OR4Q3: variants seen among roughly 807,000 people sequenced by gnomAD.
The protein encoded by OR4Q3 is olfactory receptor family 4 subfamily Q member 3.
A neutral mutation model predicts 18.8 loss-of-function variants in OR4Q3; 17 were observed. The ratio of observed to expected loss-of-function variants is 0.91; its 90% CI spans 0.62 to 1.36. The LOEUF (loss-of-function observed/expected upper bound fraction) is 1.36, where lower values mean the gene tolerates loss of function less well. Ranked by LOEUF, OR4Q3 falls within the 40% of genes most tolerant of loss-of-function variation. The probability of loss-of-function intolerance (pLI) is 0.00; values close to 1 mark genes in which losing one functional copy is unlikely to be tolerated. For missense variants in OR4Q3, 378 were observed against 373.4 expected, an observed-to-expected ratio of 1.01 and a Z score of -0.10; for synonymous variants, 158 against 145.8, an observed-to-expected ratio of 1.08 and a Z score of -0.60.
At chr14:19,752,129 G>A, downstream of OR4Q3, among the ~76,000 whole-genome samples, 1 of 152,166 alleles carries the variant, frequency 6.6e-6, no homozygotes, top group Non-Finnish European at 1.5e-5. Context: ...AATTAGCTAA[G>A]TCCCCCAAAG....
At chr14:19,744,601 G>A (rs1238106367) in intron 1 of OR4Q3, among the ~76,000 whole-genome samples, 1 of 152,110 alleles carries the variant, frequency 6.6e-6, no homozygotes, top group African/African-American at 2.4e-5. Context: ...CTTTCATTTT[G>A]CATTAAGCAT....
chr14:19,746,337 A>G, intron 1 of OR4Q3, among the ~76,000 whole-genome samples: 1 of 152,190 alleles, frequency 6.6e-6, no homozygotes, highest in Non-Finnish European at 1.5e-5. Context: ...AATCCAAGGT[A>G]CTGTCATCAA....
chr14:19,748,500 A>T, exon 2 of OR4Q3: 2 of 712,534 alleles, frequency 2.8e-6, no homozygotes, highest in South Asian at 3.9e-5. Context: ...ATTATAATGG[A>T]TCACTCTTGA....
At chr14:19,746,211 T>C in intron 1 of OR4Q3, among the ~76,000 whole-genome samples, 1 of 152,112 alleles carries the variant, frequency 6.6e-6, no homozygotes, top group African/African-American at 2.4e-5. Context: ...TTTTGTCTTA[T>C]TTCATATTTT....
At chr14:19,744,412 C>A (rs1321699562) in intron 1 of OR4Q3, among the ~76,000 whole-genome samples, 1 of 152,164 alleles carries the variant, frequency 6.6e-6, no homozygotes, top group African/African-American at 2.4e-5. Context: ...AAAACACACA[C>A]ATGCACAAGT....
At chr14:19,751,790 A>G, downstream of OR4Q3, among the ~76,000 whole-genome samples, 1 of 150,994 alleles carries the variant, frequency 6.6e-6, no homozygotes, top group South Asian at 2.1e-4. Context: ...TTATTTTTTA[A>G]TCTAACTAGC....
chr14:19,746,598 G>A, intron 1 of OR4Q3, among the ~76,000 whole-genome samples: 54 of 152,160 alleles, frequency 3.5e-4, no homozygotes, highest in Middle Eastern at 3.4e-3. Flanking sequence ...TACTCATCCC[G>A]AGTCTGACGC....
chr14:19,747,975 C>T, exon 2 of OR4Q3: 1 of 1,613,948 alleles, frequency 6.2e-7, no homozygotes, highest in South Asian at 1.1e-5. Flanking sequence ...TGTGATGTCC[C>T]ACAAGTCATC....
downstream of OR4Q3, among the ~76,000 whole-genome samples, chr14:19,750,045 C>T: frequency 6.0e-5 from 9 of 150,290 alleles, no homozygotes; most frequent in African/African-American, 1.7e-4. Flanking sequence ...AGTGCAGTGG[C>T]ACAATCTTGG....
exon 2 of OR4Q3, chr14:19,748,402 A>T: frequency 6.7e-7 from 1 of 1,487,204 alleles, no homozygotes; most frequent in Non-Finnish European, 9.2e-7. Context: ...TGAAAAACAC[A>T]CTCTTTCTTG....
intron 1 of OR4Q3, among the ~76,000 whole-genome samples, chr14:19,747,059 C>T: frequency 6.6e-6 from 1 of 152,214 alleles, no homozygotes; most frequent in Non-Finnish European, 1.5e-5. Context: ...AATGGTGGAG[C>T]TAGGCATTCA....
intron 1 of OR4Q3, among the ~76,000 whole-genome samples, chr14:19,745,212 G>T: frequency 6.6e-6 from 1 of 152,120 alleles, no homozygotes; most frequent in Non-Finnish European, 1.5e-5. Context: ...AATATTTATA[G>T]TACTGAAATT....
intron 1 of OR4Q3, among the ~76,000 whole-genome samples, chr14:19,745,926 AGATGAAGAG>A: frequency 6.6e-6 from 1 of 152,322 alleles, no homozygotes; most frequent in East Asian, 1.9e-4. Context: ...CTATATAGGC[AGATGAAGAG>A]GATGGTCACA....
downstream of OR4Q3, among the ~76,000 whole-genome samples, chr14:19,750,119 G>C: frequency 5.7e-4 from 87 of 152,070 alleles, no homozygotes; most frequent in South Asian, 0.018. Flanking sequence ...CAAGTAGCTG[G>C]GATTACAGGT....
chr14:19,750,440 A>G, downstream of OR4Q3, among the ~76,000 whole-genome samples: 7 of 152,378 alleles, frequency 4.6e-5, no homozygotes, highest in South Asian at 6.2e-4. Flanking sequence ...TCTATTTACT[A>G]TATAATAAGA....
exon 2 of OR4Q3, chr14:19,747,873 G>A: frequency 2.5e-6 from 4 of 1,613,904 alleles, no homozygotes. Context: ...GTTCTTGCCT[G>A]CTGGTGTGGG....
downstream of OR4Q3, among the ~76,000 whole-genome samples, chr14:19,750,586 G>A: frequency 2.6e-5 from 4 of 152,272 alleles, no homozygotes; most frequent in East Asian, 5.8e-4. Context: ...TCTAATACTA[G>A]GATATACTGG....
chr14:19,748,246 C>T, exon 2 of OR4Q3: 4 of 1,613,928 alleles, frequency 2.5e-6, no homozygotes, highest in East Asian at 2.2e-5. Flanking sequence ...AGATATTCTC[C>T]TTGTTTTACA....
chr14:19,751,647 G>T, downstream of OR4Q3, among the ~76,000 whole-genome samples: 3 of 151,950 alleles, frequency 2.0e-5, no homozygotes, highest in Admixed American at 1.3e-4. Context: ...GAATTTATCA[G>T]TTTCTTCCAG....
Sources: allele counts gnomAD v4.1 joint callset (sites outside exome capture counted in the v4.1 genomes callset), GRCh38; gene constraint gnomAD v4.1.1; transcripts MANE v1.5; gene names NCBI Gene and HGNC (gene_info 2026-07-23, HGNC 2026-07-21).